PCGF5: variants seen among roughly 807,000 people sequenced by gnomAD.
The protein encoded by PCGF5 is polycomb group RING finger protein 5.
A neutral mutation model predicts 44.3 loss-of-function variants in PCGF5; 9 were observed. The ratio of observed to expected loss-of-function variants is 0.20; its 90% CI spans 0.12 to 0.35. The LOEUF (loss-of-function observed/expected upper bound fraction) is 0.35, where lower values mean the gene tolerates loss of function less well. Ranked by LOEUF, PCGF5 falls within the 10% of genes least tolerant of loss-of-function variation. PCGF5 has a pLI of 1.00. For missense variants in PCGF5, 146 were observed against 305.3 expected, an observed-to-expected ratio of 0.48 and a Z score of 3.89; for synonymous variants, 95 against 102.5, an observed-to-expected ratio of 0.93 and a Z score of 0.44.
chr10:91,210,539 G>A (rs1007167261), intron 1 of PCGF5, among the ~76,000 whole-genome samples: 3 of 152,184 alleles, frequency 2.0e-5, no homozygotes, highest in Admixed American at 2.0e-4. Context: ...GGCCCACAGA[G>A]GTTCAGTGGT....
intron 3 of PCGF5, among the ~76,000 whole-genome samples, chr10:91,248,059 T>A (rs1845514199): frequency 6.6e-6 from 1 of 152,116 alleles, no homozygotes; most frequent in South Asian, 2.1e-4. Flanking sequence ...CTACGTGGTC[T>A]CTCATCCTCC....
chr10:91,162,785 C>T (rs1843409493), upstream of PCGF5, among the ~76,000 whole-genome samples: 1 of 150,788 alleles, frequency 6.6e-6, no homozygotes, highest in Non-Finnish European at 1.5e-5. Flanking sequence ...TCAGGGAGTG[C>T]GGGCTGTGCC....
At chr10:91,242,279 A>G (rs1394853858) in intron 3 of PCGF5, among the ~76,000 whole-genome samples, 1 of 151,656 alleles carries the variant, frequency 6.6e-6, no homozygotes, top group Non-Finnish European at 1.5e-5. Flanking sequence ...GTAGTACTGC[A>G]GTAAGGAAAC....
chr10:91,188,309 A>G (rs890766288), intron 1 of PCGF5, among the ~76,000 whole-genome samples: 4 of 152,166 alleles, frequency 2.6e-5, no homozygotes, highest in Non-Finnish European at 5.9e-5. Context: ...CTGGTCAAGG[A>G]AAGGGGTGAC....
chr10:91,234,770 A>C (rs866392518), intron 2 of PCGF5, among the ~76,000 whole-genome samples: 1 of 152,324 alleles, frequency 6.6e-6, no homozygotes, highest in Middle Eastern at 3.4e-3. Flanking sequence ...TAAGCCTCAC[A>C]AGAACCCTGT....
intron 6 of PCGF5, among the ~76,000 whole-genome samples, chr10:91,255,573 A>T (rs1038723610): frequency 6.6e-6 from 1 of 152,118 alleles, no homozygotes; most frequent in African/African-American, 2.4e-5. Flanking sequence ...CCAGATGTGT[A>T]AAGAAATCTC....
At chr10:91,188,064 T>A (rs1843958978) in intron 1 of PCGF5, among the ~76,000 whole-genome samples, 1 of 152,186 alleles carries the variant, frequency 6.6e-6, no homozygotes, top group African/African-American at 2.4e-5. Context: ...GCCATGCTGG[T>A]GTGCTGCACC....
chr10:91,173,289 C>G (rs2133173440), intron 1 of PCGF5, among the ~76,000 whole-genome samples: 1 of 152,276 alleles, frequency 6.6e-6, no homozygotes. Context: ...CAACTTTTCT[C>G]TTGTTATCCC....
chr10:91,226,399 G>A (rs1309407074), intron 2 of PCGF5, among the ~76,000 whole-genome samples: 1 of 150,350 alleles, frequency 6.7e-6, no homozygotes, highest in African/African-American at 2.4e-5. Context: ...ATATGCAGAA[G>A]AAACTCGTGT....
chr10:91,246,506 G>A (rs1313444271), intron 3 of PCGF5, among the ~76,000 whole-genome samples: 4 of 152,178 alleles, frequency 2.6e-5, no homozygotes, highest in Non-Finnish European at 5.9e-5. Flanking sequence ...AAGTCAGGTA[G>A]TAGAGAGAAA....
intron 1 of PCGF5, among the ~76,000 whole-genome samples, chr10:91,209,893 G>A (rs1221707710): frequency 1.3e-5 from 2 of 152,188 alleles, no homozygotes; most frequent in African/African-American, 4.8e-5. Context: ...ATGAATGAAT[G>A]TGGAACCAAT....
intron 8 of PCGF5, among the ~76,000 whole-genome samples, chr10:91,268,487 C>T (rs908045992): frequency 1.4e-4 from 21 of 152,048 alleles, no homozygotes; most frequent in Admixed American, 2.0e-4. Flanking sequence ...GGCATCTTTG[C>T]GGGTTTTTTA....
rs373340139 is a variant in PCGF5 at position 91,248,500 on chromosome 10, C to G, written c.210-5C>G. The G allele has an allele frequency of 2.8e-5, 45 of 1,610,238 alleles. No individual in the cohort carries two copies. Among genetic ancestry groups the G allele is most frequent in the Non-Finnish European group, 1.7e-5 (20 of 1,177,072 alleles). On this transcript the variant is annotated splice_region_variant and splice_polypyrimidine_tract_variant and intron_variant, in intron 3 of 9. Transcript: ENST00000336126. Reference sequence around the variant, plus strand: ...TTAGTATTTTCTTTCTCCCCCCTTTCGAAGGTTGGACAATACATTAGAGGA... The same window carrying G: ...TTAGTATTTTCTTTCTCCCCCCTTTGGAAGGTTGGACAATACATTAGAGGA...
chr10:91,158,712 A>T (rs1843347287), upstream of PCGF5, among the ~76,000 whole-genome samples: 1 of 152,214 alleles, frequency 6.6e-6, no homozygotes, highest in African/African-American at 2.4e-5. Flanking sequence ...TTGTTGAAGA[A>T]TTAGATACCC....
upstream of PCGF5, chr10:91,162,927 G>C (rs1163535661): frequency 2.1e-5 from 3 of 144,950 alleles, no homozygotes; most frequent in Non-Finnish European, 4.6e-5. Flanking sequence ...CCCGCCCGCC[G>C]GGCCGGCCCA....
upstream of PCGF5, among the ~76,000 whole-genome samples, chr10:91,216,800 C>G (rs981859463): frequency 1.3e-5 from 2 of 152,102 alleles, no homozygotes; most frequent in African/African-American, 2.4e-5. Flanking sequence ...TCTCTGTTCC[C>G]CCTACCATTC....
intron 1 of PCGF5, among the ~76,000 whole-genome samples, chr10:91,221,126 C>G (rs1407249869): frequency 6.6e-6 from 1 of 151,984 alleles, no homozygotes; most frequent in African/African-American, 2.4e-5. Context: ...GCCGGGCGGG[C>G]GCGGCTGTGC....
intron 1 of PCGF5, among the ~76,000 whole-genome samples, chr10:91,203,450 C>G (rs997617936): frequency 1.3e-5 from 2 of 152,066 alleles, no homozygotes; most frequent in African/African-American, 4.8e-5. Flanking sequence ...GAAGATAACC[C>G]CAAAGGTTAT....
At chr10:91,276,655 C>T (rs1846320487) in intron 9 of PCGF5, among the ~76,000 whole-genome samples, 1 of 152,186 alleles carries the variant, frequency 6.6e-6, no homozygotes, top group African/African-American at 2.4e-5. Flanking sequence ...AAATCCCAAG[C>T]ATTGCCAGTA....
Sources: gnomAD v4.1 joint callset for allele counts (sites outside exome capture counted in the v4.1 genomes callset) on GRCh38, gnomAD v4.1.1 for gene constraint, MANE v1.5 for transcripts, NCBI Gene and HGNC (gene_info 2026-07-23, HGNC 2026-07-21) for gene names.